The following RYR2 variants were observed in gnomAD, a reference collection of about 807,000 sequenced individuals.
RYR2 encodes cardiac muscle ryanodine receptor-calcium release channel.
A neutral mutation model predicts 601.1 loss-of-function variants in RYR2; 227 were observed. The ratio of observed to expected loss-of-function variants is 0.38; its 90% confidence interval spans 0.34 to 0.42. The LOEUF is 0.42. Among genes scored for constraint, RYR2 ranks in the 10% least tolerant of loss-of-function variants. The pLI, the probability that RYR2 is intolerant of heterozygous loss-of-function variation, is 1.00. For synonymous variants in RYR2, 2,223 were observed against 2,175.1 expected (o/e 1.02, Z -0.61); for missense variants, 4,646 against 6,156.5 (o/e 0.75, Z 8.21).
chr1:237,123,792 C>T (rs7513799), intron 1 of RYR2, among the ~76,000 whole-genome samples: 41,455 of 150,938 alleles, frequency 0.27, 6,053 homozygotes, highest in East Asian at 0.39. Context: ...CTCAGCCTCC[C>T]GAGTAGCTGG....
chr1:237,401,305 C>A (rs4484913), intron 10 of RYR2, among the ~76,000 whole-genome samples: 104,229 of 152,052 alleles, frequency 0.69, 36,458 homozygotes, highest in East Asian at 1. Context: ...ACAGACTGCA[C>A]AAGTTATGGG....
intron 2 of RYR2, among the ~76,000 whole-genome samples, chr1:237,322,740 TG>T (rs2149530897): frequency 6.6e-6 from 1 of 152,108 alleles, no homozygotes; most frequent in East Asian, 1.9e-4. Context: ...ACACTATTTT[TG>T]TCTTAGTTAT....
chr1:237,410,039 G>A (rs1272438554), intron 10 of RYR2, among the ~76,000 whole-genome samples: 1 of 152,066 alleles, frequency 6.6e-6, no homozygotes, highest in African/African-American at 2.4e-5. Flanking sequence ...GAATAGTTCT[G>A]TATCATTTCC....
chr1:237,236,681 A>G (rs1685579625), intron 1 of RYR2, among the ~76,000 whole-genome samples: 1 of 152,214 alleles, frequency 6.6e-6, no homozygotes, highest in African/African-American at 2.4e-5. Flanking sequence ...TGCTTTGGGC[A>G]GTCAGCAAGA....
chr1:237,809,023 C>T lies in RYR2; in HGVS notation c.14421C>T (p.Asp4807=), dbSNP rs75206601. Residue 4807 remains aspartate (D), a synonymous_variant, in exon 100 of 105, where the codon GAC becomes GAT. Coordinates refer to ENST00000366574, the MANE Select transcript of RYR2 (RefSeq NM_001035.3). Reference sequence around the variant, plus strand: ...GTGATACACCAGATATGAAATGTGACGATATGCTAACAGTAAGTTCATAAC... The same window carrying T: ...GTGATACACCAGATATGAAATGTGATGATATGCTAACAGTAAGTTCATAAC... ...EDGDTPDMKC[D]DMLTCYMFHM... is the part of the protein sequence containing the mutation. The T allele has an allele frequency of 3.1e-3, 4,991 of 1,612,892 alleles. 132 individuals carry two copies. The African/African-American group carries it at 0.057, about 18-fold the overall frequency.
chr1:237,171,126 CGGG>C (rs1558361290), intron 1 of RYR2, among the ~76,000 whole-genome samples: 1 of 151,258 alleles, frequency 6.6e-6, no homozygotes, highest in East Asian at 2.0e-4. Context: ...GCCAGCTACT[CGGG>C]AGGCTGAGGC....
chr1:237,761,001 C>G lies in RYR2; in HGVS notation c.11449C>G (p.Leu3817Val). Reference protein sequence around the residue: ...AFERQNKAEGLGMVTEEGSGE... With the variant: ...AFERQNKAEGVGMVTEEGSGE... ...TGAGCGACAAAACAAAGCTGAAGGT[C>G]TTGGGATGGTGACAGAGGAAGGATC... is the stretch of plus-strand genomic sequence containing the variant. Residue 3817 changes from leucine to valine, a missense_variant, in exon 84 of 105, where the codon CTT becomes GTT. This residue lies in a region of RYR2 where 1,497 missense variants were observed against 1,842.6 expected (regional missense o/e 0.81). Transcript: ENST00000366574. 1 of 1,579,810 alleles carries G rather than the reference C, an allele frequency of 6.3e-7. No individual in the cohort carries two copies. Among genetic ancestry groups the G allele is most frequent in the Non-Finnish European group, 8.6e-7 (1 of 1,161,080 alleles).
intron 63 of RYR2, among the ~76,000 whole-genome samples, chr1:237,696,542 T>TC (rs1687453874): frequency 6.7e-6 from 1 of 149,976 alleles, no homozygotes. Flanking sequence ...ACTGCAGACT[T>TC]TTTTTTTTTT....
chr1:237,530,396 G>T, intron 24 of RYR2, 31 bp from the exon 25 acceptor site: 4 of 1,517,040 alleles, frequency 2.6e-6, no homozygotes, highest in South Asian at 1.2e-5. Context: ...GAGAAGAAAT[G>T]ATCACACTTA....
At chr1:237,169,888 C>A (rs954835231) in intron 1 of RYR2, among the ~76,000 whole-genome samples, 7 of 152,076 alleles carry the variant, frequency 4.6e-5, no homozygotes, top group Admixed American at 2.6e-4. Flanking sequence ...TAAAAGTTTC[C>A]TTTAAAATCA....
At chr1:237,457,523 G>A (rs1284932069) in intron 16 of RYR2, among the ~76,000 whole-genome samples, 2 of 152,174 alleles carry the variant, frequency 1.3e-5, no homozygotes, top group Non-Finnish European at 2.9e-5. Flanking sequence ...GTAGAGATTG[G>A]CTGTAGTGCC....
At chr1:237,189,214 C>T (rs575168652) in intron 1 of RYR2, among the ~76,000 whole-genome samples, 2 of 152,248 alleles carry the variant, frequency 1.3e-5, no homozygotes, top group Non-Finnish European at 2.9e-5. Context: ...GTGTGGCATG[C>T]CATAGAATTT....
intron 1 of RYR2, among the ~76,000 whole-genome samples, chr1:237,129,138 C>G (rs778656082): frequency 1.3e-5 from 2 of 152,212 alleles, no homozygotes; most frequent in Non-Finnish European, 2.9e-5. Context: ...CAGCCCAAGG[C>G]ACTGCCTTCT....
intron 35 of RYR2, among the ~76,000 whole-genome samples, chr1:237,608,486 C>T (rs181421156): frequency 6.6e-6 from 1 of 152,030 alleles, no homozygotes; most frequent in East Asian, 1.9e-4. Flanking sequence ...TCACTTGAGC[C>T]CAGAAGTTTG....
At chr1:237,244,068 C>A (rs1339641691) in intron 1 of RYR2, among the ~76,000 whole-genome samples, 1 of 152,022 alleles carries the variant, frequency 6.6e-6, no homozygotes. Flanking sequence ...TCACCTTTAT[C>A]CAAATCAATT....
Position 237,500,912 on chromosome 1 carries a change from G to A in RYR2, c.2396+9G>A. 2 of 1,613,200 alleles carry A rather than the reference G, an allele frequency of 1.2e-6. No homozygotes were observed. Among genetic ancestry groups the A allele is most frequent in the Non-Finnish European group, 1.7e-6 (2 of 1,179,168 alleles). On this transcript the variant is annotated intron_variant, in intron 21 of 104. Coordinates refer to ENST00000366574, the MANE Select transcript of RYR2 (RefSeq NM_001035.3). ...TTCTCTGCAGGAATAAAGTTAGTAT[G>A]TCTATGTTTTTTGGTCTCTTTCCTT...
intron 12 of RYR2, among the ~76,000 whole-genome samples, chr1:237,440,239 G>T (rs74328949): frequency 0.053 from 8,136 of 152,090 alleles, 295 homozygotes; most frequent in Non-Finnish European, 0.08. Flanking sequence ...AAAATTGTTC[G>T]TTTTTGTTTA....
At chr1:237,451,828 T>G (rs1022215212) in intron 14 of RYR2, among the ~76,000 whole-genome samples, 100 of 152,190 alleles carry the variant, frequency 6.6e-4, no homozygotes, top group African/African-American at 2.2e-3. Context: ...ATTTACTTAT[T>G]ACATATTAAG....
At chr1:237,432,098 T>C (rs5781956) in intron 12 of RYR2, among the ~76,000 whole-genome samples, 87,662 of 132,834 alleles carry the variant, frequency 0.66, 26,316 homozygotes, top group African/African-American at 0.78. Context: ...TAGCAAATGG[T>C]CTTTTTTTTT....
Sources: gnomAD v4.1 joint callset for allele counts (sites outside exome capture counted in the v4.1 genomes callset) on GRCh38, gnomAD v4.1.1 for gene constraint, gnomAD v4.1.1 regional missense constraint, MANE v1.5 for transcripts, NCBI Gene and HGNC (gene_info 2026-07-23, HGNC 2026-07-21) for gene names.